The following CADM2 variants were observed in gnomAD, a reference collection of about 807,000 sequenced individuals.
The protein encoded by CADM2 is cell adhesion molecule 2.
A neutral mutation model predicts 49.8 loss-of-function variants in CADM2; 12 were observed. That is an observed-to-expected ratio of 0.24 (90% CI 0.15 to 0.39). The LOEUF is 0.39. Among genes scored for constraint, CADM2 ranks in the 10% least tolerant of loss-of-function variants. The probability of loss-of-function intolerance (pLI) is 1.00; values close to 1 mark genes in which losing one functional copy is unlikely to be tolerated. For synonymous variants in CADM2, 214 were observed against 175.4 expected (o/e 1.22, Z -1.74); for missense variants, 378 against 492.3 (o/e 0.77, Z 2.20).
intron 1 of CADM2, among the ~76,000 whole-genome samples, chr3:85,696,886 C>G (rs2066574493): frequency 6.6e-6 from 1 of 151,666 alleles, no homozygotes; most frequent in African/African-American, 2.4e-5. Flanking sequence ...AAAAATATGT[C>G]ATCAAATTCT....
chr3:85,017,390 C>A (rs2034299127), intron 1 of CADM2, among the ~76,000 whole-genome samples: 1 of 152,142 alleles, frequency 6.6e-6, no homozygotes, highest in African/African-American at 2.4e-5. Context: ...AAAATATTCC[C>A]AGCTCGAGGT....
chr3:85,966,341 A>C (rs1347290293), intron 8 of CADM2, among the ~76,000 whole-genome samples: 2 of 151,618 alleles, frequency 1.3e-5, no homozygotes, highest in Non-Finnish European at 3.0e-5. Context: ...TATTCCATAA[A>C]GTTTTTTTGT....
intron 8 of CADM2, among the ~76,000 whole-genome samples, chr3:85,996,623 T>G (rs1729456323): frequency 6.6e-6 from 1 of 152,190 alleles, no homozygotes; most frequent in Non-Finnish European, 1.5e-5. Context: ...TAATATTATT[T>G]TAATAATACA....
chr3:85,720,237 TG>T (rs2067450142), intron 1 of CADM2, among the ~76,000 whole-genome samples: 1 of 152,212 alleles, frequency 6.6e-6, no homozygotes, highest in Non-Finnish European at 1.5e-5. Flanking sequence ...TGTTGGACTT[TG>T]GAAGTTCAAT....
At chr3:86,061,651 G>A (rs1025673620) in intron 8 of CADM2, among the ~76,000 whole-genome samples, 3 of 151,922 alleles carry the variant, frequency 2.0e-5, no homozygotes, top group Admixed American at 6.6e-5. Flanking sequence ...TAATTTAATG[G>A]ATTTGATTAC....
chr3:85,525,152 T>C (rs1446807000), intron 1 of CADM2, among the ~76,000 whole-genome samples: 2 of 152,140 alleles, frequency 1.3e-5, no homozygotes, highest in Non-Finnish European at 2.9e-5. Context: ...GCTTAAAGTA[T>C]AGTAAAAAAT....
In CADM2 at chr3:85,726,506, C is replaced by T; in HGVS notation, c.62-16C>T. ...TATGTTTGTTCTCTTCTTGTGCAAC[C>T]TTTCCTTGGTACCAGCGGCTGCTTC... On this transcript the variant is annotated splice_polypyrimidine_tract_variant and intron_variant, in intron 1 of 9. Coordinates refer to ENST00000383699, the MANE Select transcript of CADM2 (RefSeq NM_001167675.2). 6.2e-7 allele frequency: 1 copy of T among 1,612,136 alleles called. No individual in the cohort carries two copies. Among genetic ancestry groups the T allele is most frequent in the Non-Finnish European group, 8.5e-7 (1 of 1,178,758 alleles).
At chr3:86,065,491 T>C (rs555754416) in intron 8 of CADM2, 114 bp from the exon 9 acceptor site, 4 of 1,044,698 alleles carry the variant, frequency 3.8e-6, no homozygotes, top group South Asian at 1.7e-5. Context: ...TGCACGTTAA[T>C]GTATTATTTA....
At chr3:85,034,582 T>A (rs2035127985) in intron 1 of CADM2, among the ~76,000 whole-genome samples, 1 of 152,026 alleles carries the variant, frequency 6.6e-6, no homozygotes, top group South Asian at 2.1e-4. Flanking sequence ...ATCTCTGACG[T>A]ATTTCCTTTC....
At chr3:85,425,284 A>G (rs894539307) in intron 1 of CADM2, among the ~76,000 whole-genome samples, 2 of 152,312 alleles carry the variant, frequency 1.3e-5, no homozygotes, top group East Asian at 1.9e-4. Flanking sequence ...GGGAACGGTA[A>G]TGGTTAGTCA....
At chr3:85,719,943 C>CA (rs1272074176) in intron 1 of CADM2, among the ~76,000 whole-genome samples, 6 of 149,690 alleles carry the variant, frequency 4.0e-5, no homozygotes, top group Non-Finnish European at 8.9e-5. Context: ...AAAAAAAAAA[C>CA]AAAAAACAAG....
intron 1 of CADM2, among the ~76,000 whole-genome samples, chr3:85,342,239 G>A (rs1281158464): frequency 6.6e-6 from 1 of 152,014 alleles, no homozygotes; most frequent in African/African-American, 2.4e-5. Flanking sequence ...AGACATTTAT[G>A]CAGCCAACAG....
chr3:86,035,162 T>C (rs936008248), intron 8 of CADM2, among the ~76,000 whole-genome samples: 4 of 152,092 alleles, frequency 2.6e-5, no homozygotes, highest in African/African-American at 7.2e-5. Flanking sequence ...TTCTGTCACG[T>C]CAGAACCACA....
At chr3:85,808,721 T>G (rs549556625) in intron 3 of CADM2, among the ~76,000 whole-genome samples, 13 of 152,204 alleles carry the variant, frequency 8.5e-5, no homozygotes, top group African/African-American at 2.9e-4. Context: ...CTTTTAAATT[T>G]TTTTAATAAT....
chr3:85,292,569 C>T (rs1225905014), intron 1 of CADM2, among the ~76,000 whole-genome samples: 2 of 151,988 alleles, frequency 1.3e-5, no homozygotes, highest in Non-Finnish European at 2.9e-5. Flanking sequence ...TGTAAAAGAA[C>T]TGAAATTATA....
chr3:85,292,006 C>T (rs935826328), intron 1 of CADM2, among the ~76,000 whole-genome samples: 2 of 151,894 alleles, frequency 1.3e-5, no homozygotes, highest in African/African-American at 4.8e-5. Flanking sequence ...ATTGGATAAA[C>T]AGTCAAGACC....
At chr3:85,290,807 C>T (rs1033313380) in intron 1 of CADM2, among the ~76,000 whole-genome samples, 1 of 152,110 alleles carries the variant, frequency 6.6e-6, no homozygotes, top group Non-Finnish European at 1.5e-5. Context: ...TCATCAAAGA[C>T]CAAAAGTAGA....
chr3:86,013,230 T>C, intron 8 of CADM2: 2 of 1,440,534 alleles, frequency 1.4e-6, no homozygotes, highest in Non-Finnish European at 1.9e-6. Context: ...AACAAAAACA[T>C]AAACCAACAA....
At chr3:85,891,426 T>C (rs1285873438) in intron 5 of CADM2, among the ~76,000 whole-genome samples, 1 of 152,210 alleles carries the variant, frequency 6.6e-6, no homozygotes, top group East Asian at 1.9e-4. Flanking sequence ...CACACCCTTG[T>C]ATAAACCCTT....
Sources: gnomAD v4.1 joint callset for allele counts (sites outside exome capture counted in the v4.1 genomes callset) on GRCh38, gnomAD v4.1.1 for gene constraint, MANE v1.5 for transcripts, NCBI Gene and HGNC (gene_info 2026-07-23, HGNC 2026-07-21) for gene names.